Variants in MINK1 observed in about 807,000 individuals in gnomAD.
MINK1 encodes misshapen-like kinase 1.
Under a neutral mutation model 178.4 loss-of-function variants are expected in MINK1, and 46 were observed. The ratio of observed to expected loss-of-function variants is 0.26; its 90% CI spans 0.20 to 0.33. MINK1 has a LOEUF of 0.33. MINK1 is among the 10% of genes least tolerant of loss of function. MINK1 has a pLI of 1.00. For synonymous variants in MINK1, 797 were observed against 709.7 expected (o/e 1.12, Z -1.96); for missense variants, 1,366 against 1,814.9 (o/e 0.75, Z 4.49).
chr17:4,871,503 T>C lies in MINK1; in HGVS notation c.58-6814T>C, dbSNP rs569326793. Among the ~76,000 whole-genome samples the C allele has an allele frequency of 1.1e-4, 16 of 152,226 alleles. 1 individual carries two copies. In the South Asian group the frequency reaches 2.9e-3, roughly 28 times the overall value. ...CTGGGGTTATAGACATGAGCCACCA[T>C]ACCTGGTCTTCATTTCTTTTTATTG... On this transcript the variant is annotated intron_variant, in intron 1 of 31. Transcript: ENST00000355280.
Position 4,892,385 on chromosome 17 carries a change from C to G in MINK1, c.2088-17C>G. 1.3e-6 allele frequency: 2 copies of G among 1,546,552 alleles called. No homozygotes were observed. Among genetic ancestry groups the G allele is most frequent in the Admixed American group, 2.0e-5 (1 of 50,966 alleles). On this transcript the variant is annotated splice_polypyrimidine_tract_variant and intron_variant, in intron 17 of 31. Transcript: ENST00000355280. ...CCCCCCCGCCGCCCCCTCGGCACCC[C>G]TGTGCTCCCTTCACAGACCTCGCAG...
At chr17:4,871,077 G>A (rs1237516691) in intron 1 of MINK1, 2 of 370,232 alleles carry the variant, frequency 5.4e-6, no homozygotes, top group Non-Finnish European at 5.7e-6. Flanking sequence ...ATAATATGTG[G>A]CCTTTTGTGA....
chr17:4,851,586 TCTC>T (rs1378272073), intron 1 of MINK1, among the ~76,000 whole-genome samples: 1 of 152,062 alleles, frequency 6.6e-6, no homozygotes, highest in Admixed American at 6.6e-5. Flanking sequence ...TGAGCTCTTT[TCTC>T]CTCCGAGAAG....
At chr17:4,890,774 C>T in intron 14 of MINK1, 39 bp downstream of exon 14, 1 of 1,535,482 alleles carries the variant, frequency 6.5e-7, no homozygotes, top group Non-Finnish European at 8.8e-7. Context: ...ACTGCAGTCC[C>T]ACTGCCTGAG....
chr17:4,892,851 G>A, intron 19 of MINK1, 83 bp downstream of exon 19: 1 of 1,423,014 alleles, frequency 7.0e-7, no homozygotes. Context: ...TTTGGACTGG[G>A]GCACCCACAC....
At chr17:4,848,383 CG>C (rs1911364424) in intron 1 of MINK1, among the ~76,000 whole-genome samples, 2 of 152,282 alleles carry the variant, frequency 1.3e-5, no homozygotes, top group South Asian at 4.1e-4. Context: ...TTTTTTGAGA[CG>C]GAGTCTCACT....
chr17:4,890,501 C>T lies in MINK1; in HGVS notation c.1348-16C>T. 2.5e-6 allele frequency: 4 copies of T among 1,576,558 alleles called. No homozygotes were observed. The highest frequency in any genetic ancestry group is 3.4e-6 in the Non-Finnish European group (4 of 1,161,706). On this transcript the variant is annotated splice_polypyrimidine_tract_variant and intron_variant, in intron 13 of 31. Coordinates refer to ENST00000355280, the MANE Select transcript of MINK1 (RefSeq NM_153827.5). ...CCACACCCTGCTGAGCCCTCTCTCCCTACCCTTGGGCCCAGGAATACAAGC... is the reference window on the plus strand; with the variant it reads ...CCACACCCTGCTGAGCCCTCTCTCCTTACCCTTGGGCCCAGGAATACAAGC...
Position 4,895,357 on chromosome 17 carries a change from C to A in MINK1, c.3093C>A (p.Asn1031Lys). ...CAAGGGCTCCTGTTGCAGGGGTCAA[C>A]CTGCTGGTGGGCACGGAGAACGGGC... ...EILCAALWGV[N>K]LLVGTENGLM... Residue 1031 changes from asparagine to lysine, a missense_variant, in exon 26 of 32, where the codon AAC (asparagine) becomes AAA (lysine). This residue lies in a region of MINK1 where 42 missense variants were observed against 64.0 expected (regional missense o/e 0.66). Coordinates refer to ENST00000355280, the MANE Select transcript of MINK1 (RefSeq NM_153827.5). This position sits in a 1 kb window ranked among gnomAD's most constrained non-coding sequence, Gnocchi z 4.3. The A allele has an allele frequency of 6.2e-7, 1 of 1,604,710 alleles. No individual in the cohort carries two copies. Among genetic ancestry groups the A allele is most frequent in the Non-Finnish European group, 8.5e-7 (1 of 1,174,236 alleles).
rs1208295047 is a variant in MINK1 at position 4,886,615 on chromosome 17, G to A, written c.938G>A (p.Arg313Gln). 3 of 1,593,582 alleles carry A rather than the reference G, an allele frequency of 1.9e-6. No homozygotes were observed. The highest frequency in any genetic ancestry group is 1.1e-5 in the South Asian group (1 of 88,434). The change falls in exon 10 of 32, where the codon CGG becomes CAG. Residue 313 changes from arginine (R) to glutamine (Q), a missense_variant. Transcript: ENST00000355280. This position sits in a 1 kb window ranked among gnomAD's most constrained non-coding sequence, Gnocchi z 6.1. ...CACATTGACCGATCCCGGAAGAAGC[G>A]GGGTGAGAAAGGTCAGTGGGCAGGC... is the stretch of plus-strand genomic sequence containing the variant. ...KDHIDRSRKK[R>Q]GEKEETEYEY... is the part of the protein sequence containing the mutation.
intron 1 of MINK1, among the ~76,000 whole-genome samples, chr17:4,858,594 A>G (rs1158702922): frequency 6.7e-6 from 1 of 149,860 alleles, no homozygotes; most frequent in Non-Finnish European, 1.5e-5. Flanking sequence ...CTCATGCCTT[A>G]CCCTCCTGAG....
chr17:4,876,680 G>A (rs1197168239), intron 1 of MINK1, among the ~76,000 whole-genome samples: 1 of 152,100 alleles, frequency 6.6e-6, no homozygotes, highest in Admixed American at 6.6e-5. Flanking sequence ...CAGCACAGAG[G>A]CCACGTGTTG....
rs191648561 is a variant in MINK1, at chr17:4,856,564, G to A, written c.58-21753G>A. Among the ~76,000 whole-genome samples, 461 of 152,296 alleles carry A rather than the reference G, an allele frequency of 3.0e-3. 1 individual carries two copies. The highest frequency in any genetic ancestry group is 4.8e-3 in the Admixed American group (74 of 15,304). On this transcript the variant is annotated intron_variant, in intron 1 of 31. Coordinates refer to ENST00000355280, the MANE Select transcript of MINK1 (RefSeq NM_153827.5). ...GAGCCTCCGCAATGGGAACCTCCAT[G>A]ACGTGACAGATAGGTGGGAGATGAG...
At chr17:4,848,365 T>G (rs1006620082) in intron 1 of MINK1, among the ~76,000 whole-genome samples, 2 of 152,182 alleles carry the variant, frequency 1.3e-5, no homozygotes, top group African/African-American at 4.8e-5. Context: ...CCTCAGTGTT[T>G]GGGGGTATTT....
At position 4,833,720 on chromosome 17, in the gene MINK1, G is replaced by A. The variant is rs1268789864; in HGVS notation, c.57+80G>A. On this transcript the variant is annotated intron_variant, in intron 1 of 31. Transcript: ENST00000355280. The surrounding 1 kb of genome is among the most constrained non-coding windows in gnomAD (Gnocchi z 4.8). ...GGAGCGGGGTGGCTGCACGCCTCACGTGCTCCCGGGCGCCCCCTCCACCAG... is the reference window on the plus strand; with the variant it reads ...GGAGCGGGGTGGCTGCACGCCTCACATGCTCCCGGGCGCCCCCTCCACCAG... The A allele has an allele frequency of 1.6e-6, 2 of 1,216,832 alleles. No individual in the cohort carries two copies. Among genetic ancestry groups the A allele is most frequent in the Non-Finnish European group, 2.2e-6 (2 of 918,710 alleles). 75.4% of individuals were successfully genotyped at this position (1,216,832 alleles called of 1,614,324 possible). A position where few individuals can be genotyped will look rare whatever the true frequency, so the allele number is the denominator to read the frequency against.
intron 1 of MINK1, chr17:4,875,462 G>A (rs940087858): frequency 3.3e-5 from 15 of 453,570 alleles, no homozygotes; most frequent in East Asian, 7.0e-5. Context: ...GCAACAGAGC[G>A]AGATCTGACT....
chr17:4,892,786 G>A lies in MINK1; in HGVS notation c.2311+18G>A. On this transcript the variant is annotated intron_variant, in intron 19 of 31. Transcript: ENST00000355280. Reference sequence around the variant, plus strand: ...CGTGGGAGGTATGTGAGCCAGGGCTGGGCAGCCTGCTCTGGGCCTGGGGGC... The same window carrying A: ...CGTGGGAGGTATGTGAGCCAGGGCTAGGCAGCCTGCTCTGGGCCTGGGGGC... The A allele has an allele frequency of 6.3e-7, 1 of 1,584,684 alleles. No individual in the cohort carries two copies. The highest frequency in any genetic ancestry group is 1.1e-5 in the South Asian group (1 of 87,102).
chr17:4,893,831 A>T (rs1969131070), intron 21 of MINK1, 157 bp from the exon 22 acceptor site: 1 of 851,202 alleles, frequency 1.2e-6, no homozygotes, highest in Non-Finnish European at 1.8e-6. Flanking sequence ...CCATGCAGGG[A>T]AGCACCTCAC....
Position 4,833,502 on chromosome 17 carries a change from T to G in MINK1, c.-82T>G. On this transcript the variant is annotated 5_prime_UTR_variant, in exon 1 of 32. An upstream start codon of the reference 5' UTR is lost. Transcript: ENST00000355280. The surrounding 1 kb of genome is among the most constrained non-coding windows in gnomAD (Gnocchi z 4.8). ...GGAGTCCGCCCCCGGGGTTCTCCGA[T>G]GGGGGAGAAGCGGCGACGGCGGCAG... The G allele has an allele frequency of 7.2e-5, 86 of 1,188,140 alleles. No individual in the cohort carries two copies. The highest frequency in any genetic ancestry group is 9.3e-5 in the Non-Finnish European group (80 of 858,484). The allele number at this position is 1,188,140 out of a possible 1,614,324, so 73.6% of individuals were successfully genotyped here.
chr17:4,868,800 C>T, intron 1 of MINK1: 1 of 315,658 alleles, frequency 3.2e-6, no homozygotes. Flanking sequence ...GGTTGGAGCG[C>T]AGTGGCATGA....
Sources: gnomAD v4.1 joint callset for allele counts (sites outside exome capture counted in the v4.1 genomes callset) on GRCh38, gnomAD v4.1.1 for gene constraint, gnomAD v4.1.1 regional missense constraint, Gnocchi (gnomAD v3.1) non-coding constraint, MANE v1.5 for transcripts, NCBI Gene and HGNC (gene_info 2026-07-23, HGNC 2026-07-21) for gene names.